TNN: variants seen among roughly 807,000 people sequenced by gnomAD.
The protein encoded by TNN is tenascin-N.
A neutral mutation model predicts 134.4 loss-of-function variants in TNN; 122 were observed. The observed-to-expected ratio is 0.91, with a 90% CI of 0.78 to 1.06. TNN has a LOEUF of 1.06. Ranked by LOEUF, TNN falls within the 50% of genes least tolerant of loss-of-function variation. The probability of loss-of-function intolerance (pLI) is 0.00; values close to 1 mark genes in which losing one functional copy is unlikely to be tolerated. For synonymous variants in TNN, 710 were observed against 670.3 expected, an observed-to-expected ratio of 1.06 and a Z score of -0.91; for missense variants, 1,739 against 1,699.4, an observed-to-expected ratio of 1.02 and a Z score of -0.41.
At chr1:175,141,116 A>G (rs1305044104) in intron 17 of TNN, among the ~76,000 whole-genome samples, 1 of 152,216 alleles carries the variant, frequency 6.6e-6, no homozygotes, top group African/African-American at 2.4e-5. Context: ...CTCAAGTTAT[A>G]TCAGAAAGTC....
At chr1:175,076,882 G>T (rs1371357380) in intron 1 of TNN, among the ~76,000 whole-genome samples, 1 of 152,148 alleles carries the variant, frequency 6.6e-6, no homozygotes, top group East Asian at 1.9e-4. Flanking sequence ...ATAAGATGGG[G>T]GTCATCATAG....
intron 9 of TNN, among the ~76,000 whole-genome samples, chr1:175,110,466 A>C (rs1172944442): frequency 6.6e-6 from 1 of 152,178 alleles, no homozygotes; most frequent in Non-Finnish European, 1.5e-5. Flanking sequence ...AAAGTGTTTC[A>C]CCAATGTTTT....
At chr1:175,113,608 G>C (rs1474661960) in intron 9 of TNN, among the ~76,000 whole-genome samples, 1 of 152,088 alleles carries the variant, frequency 6.6e-6, no homozygotes, top group Non-Finnish European at 1.5e-5. Context: ...TCTCTCCCCA[G>C]ACTTGGGACA....
chr1:175,074,498 AAAAAAAAAAAAG>A (rs907636350), intron 1 of TNN, among the ~76,000 whole-genome samples: 1 of 151,448 alleles, frequency 6.6e-6, no homozygotes, highest in African/African-American at 2.4e-5. Flanking sequence ...AAAAAAAAAA[AAAAAAAAAAAAG>A]AAGTGTGCAG....
chr1:175,118,530 A>T lies in TNN; in HGVS notation c.2387-31A>T, dbSNP rs200191164. 474 of 1,611,020 alleles carry T rather than the reference A, an allele frequency of 2.9e-4. 1 individual carries two copies. The African/African-American group carries it at 4.7e-3, about 16-fold the overall frequency. On this transcript the variant is annotated intron_variant, in intron 10 of 18. Transcript: ENST00000239462. ...TTTCTGCACTCTGGCACCTGTTCAT[A>T]GTGCATATTGGTCAGCATTTTTTTT...
intron 7 of TNN, among the ~76,000 whole-genome samples, chr1:175,096,344 A>G (rs1674569828): frequency 6.6e-6 from 1 of 152,194 alleles, no homozygotes; most frequent in Admixed American, 6.5e-5. Context: ...TGTTTGGTGC[A>G]CTAGTGAAGG....
In TNN at chr1:175,077,730, T is replaced by C. The variant is rs1674083938; in HGVS notation, c.312T>C (p.Ser104=). ...TPQKDCELAG[S]VQDLLARVKK... is the part of the protein sequence containing the mutation. ...AGAAGGACTGCGAGTTGGCAGGCAGTGTCCAGGACCTCCTGGCCCGGGTGA... is the reference window on the plus strand; with the variant it reads ...AGAAGGACTGCGAGTTGGCAGGCAGCGTCCAGGACCTCCTGGCCCGGGTGA... The change falls in exon 2 of 19, where the codon AGT becomes AGC. Residue 104 remains serine, a synonymous_variant. Coordinates refer to ENST00000239462, the MANE Select transcript of TNN (RefSeq NM_022093.2). 1.2e-6 allele frequency: 2 copies of C among 1,614,218 alleles called. No homozygotes were observed.
intron 4 of TNN, among the ~76,000 whole-genome samples, chr1:175,082,427 A>G (rs1558349644): frequency 6.6e-6 from 1 of 152,098 alleles, no homozygotes; most frequent in Admixed American, 6.5e-5. Context: ...TTGCTTTTTC[A>G]TTTGTGATTC....
intron 6 of TNN, 34 bp downstream of exon 6, chr1:175,085,528 A>G (rs759325656): frequency 1.4e-6 from 2 of 1,403,446 alleles, no homozygotes; most frequent in South Asian, 2.4e-5. Flanking sequence ...TGGGCATTTA[A>G]TCATGTTTGC....
chr1:175,080,178 G>C lies in TNN; in HGVS notation c.800G>C (p.Gly267Ala). Reference protein sequence around the residue: ...LDCAQVVTPQGLQLLKNTEDS... With the variant: ...LDCAQVVTPQALQLLKNTEDS... ...CTGCCTGCAGTGGTCACCCCACAGG[G>C]CCTGCAGCTGCTCAAGAACACGGAG... The change falls in exon 4 of 19, where the codon GGC becomes GCC. Residue 267 changes from glycine (G) to alanine (A), a missense_variant. Gly to Ala is a moderately conservative substitution (Grantham distance 60, BLOSUM62 0). Transcript: ENST00000239462. 2.5e-6 allele frequency: 4 copies of C among 1,613,838 alleles called. No individual in the cohort carries two copies. The highest frequency in any genetic ancestry group is 3.4e-6 in the Non-Finnish European group (4 of 1,179,986).
In TNN at chr1:175,079,539, T is replaced by C. The variant is rs1283927500; in HGVS notation, c.616T>C (p.Cys206Arg). Residue 206 changes from cysteine to arginine, a missense_variant, in exon 3 of 19, where the codon TGC (cysteine) becomes CGC (arginine). Physicochemically the swap from Cys to Arg is radical, Grantham distance 180 (BLOSUM62 -3). Transcript: ENST00000239462. ...CGGCTACCCGGCCTGCCCTGAGAAC[T>C]GCAGCGGACACGGCGAGTGCGTGCG... ...DCGYPACPEN[C>R]SGHGECVRGV... 6.4e-7 allele frequency: 1 copy of C among 1,568,436 alleles called. No homozygotes were observed. The highest frequency in any genetic ancestry group is 2.4e-5 in the East Asian group (1 of 41,990).
Position 175,083,858 on chromosome 1 carries a change from G to T in TNN, c.1157G>T (p.Gly386Val). The part of the protein sequence containing the change: ...TEVDYYKLRY[G>V]PMTGQEVAEV... ...GTGGACTACTACAAGCTGCGATATG[G>T]CCCCATGACAGGACAGGAGGTAGCT... The change falls in exon 5 of 19, where the codon GGC becomes GTC. Residue 386 changes from glycine (G) to valine (V), a missense_variant. Coordinates refer to ENST00000239462, the MANE Select transcript of TNN (RefSeq NM_022093.2). 1 of 1,614,160 alleles carries T rather than the reference G, an allele frequency of 6.2e-7. No individual in the cohort carries two copies. Among genetic ancestry groups the T allele is most frequent in the South Asian group, 1.1e-5 (1 of 91,082 alleles).
Position 175,123,429 on chromosome 1 carries a change from G to C in TNN, c.2680G>C (p.Asp894His), listed in dbSNP as rs1369127221. ...TGACGGCCCCAAAAACCTAGTGACT[G>C]ACTGGGTGACGGAGAATATGGCCAC... Reference protein sequence around the residue: ...EIDGPKNLVTDWVTENMATVS... With the variant: ...EIDGPKNLVTHWVTENMATVS... The change falls in exon 12 of 19, where the codon GAC (aspartate) becomes CAC (histidine). Residue 894 changes from aspartate (D) to histidine (H), a missense_variant. By Grantham distance (81) the Asp-to-His change is moderately conservative. Coordinates refer to ENST00000239462, the MANE Select transcript of TNN (RefSeq NM_022093.2). The C allele has an allele frequency of 1.2e-6, 2 of 1,614,174 alleles. No individual in the cohort carries two copies. The highest frequency in any genetic ancestry group is 3.3e-5 in the Admixed American group (2 of 60,018).
At chr1:175,110,944 G>A (rs918503797) in intron 9 of TNN, among the ~76,000 whole-genome samples, 4 of 152,116 alleles carry the variant, frequency 2.6e-5, no homozygotes, top group African/African-American at 9.7e-5. Flanking sequence ...GGAGGTCAAG[G>A]CGGGTGGATC....
chr1:175,109,627 A>G (rs1674968527), intron 9 of TNN, among the ~76,000 whole-genome samples: 1 of 150,588 alleles, frequency 6.6e-6, no homozygotes. Context: ...ATTCCTTTTT[A>G]TGGCTGAATG....
At chr1:175,119,399 G>C (rs947037986) in intron 11 of TNN, among the ~76,000 whole-genome samples, 1 of 152,124 alleles carries the variant, frequency 6.6e-6, no homozygotes, top group African/African-American at 2.4e-5. Context: ...GTGGGTCTTG[G>C]CCGGCTTCTT....
chr1:175,097,114 G>A (rs540602319), intron 7 of TNN, among the ~76,000 whole-genome samples: 1 of 152,258 alleles, frequency 6.6e-6, no homozygotes, highest in East Asian at 1.9e-4. Context: ...TATAAATCCA[G>A]GGTAAAGGAG....
chr1:175,126,962 C>G lies in TNN; in HGVS notation c.2922C>G (p.Asp974Glu). Residue 974 changes from aspartate to glutamate, a missense_variant, in exon 13 of 19, where the codon GAC becomes GAG. Asp to Glu is a conservative substitution (Grantham distance 45). Coordinates refer to ENST00000239462, the MANE Select transcript of TNN (RefSeq NM_022093.2). ...KADTKAQTEL[D>E]PPRNLRPSAV... ...CTGACTTTCTACGTACAGAACTCGA[C>G]CCTCCCAGAAACCTTCGTCCATCTG... 1 of 1,611,922 alleles carries G rather than the reference C, an allele frequency of 6.2e-7. No individual in the cohort carries two copies.
intron 9 of TNN, among the ~76,000 whole-genome samples, chr1:175,114,212 GA>G (rs1179748228): frequency 2.6e-5 from 4 of 152,166 alleles, no homozygotes; most frequent in African/African-American, 4.8e-5. Flanking sequence ...CTTTCTTAGA[GA>G]AATACTTTTA....
Sources: gnomAD v4.1 joint callset for allele counts (sites outside exome capture counted in the v4.1 genomes callset) on GRCh38, gnomAD v4.1.1 for gene constraint, MANE v1.5 for transcripts, NCBI Gene and HGNC (gene_info 2026-07-23, HGNC 2026-07-21) for gene names.